PDZD2: variants seen among roughly 807,000 people sequenced by gnomAD.
PDZD2 encodes PDZ domain-containing protein 2.
A neutral mutation model predicts 220.7 loss-of-function variants in PDZD2; 90 were observed. That is an observed-to-expected ratio of 0.41 (90% CI 0.34 to 0.49). The LOEUF is 0.49. PDZD2 is among the 20% of genes least tolerant of loss of function. The pLI is 0.28. For missense variants in PDZD2, 3,174 were observed against 3,608.5 expected, an observed-to-expected ratio of 0.88 and a Z score of 3.08; for synonymous variants, 1,375 against 1,450.5, an observed-to-expected ratio of 0.95 and a Z score of 1.18.
At chr5:31,770,362 T>C (rs755833049) in intron 1 of PDZD2, among the ~76,000 whole-genome samples, 23 of 152,124 alleles carry the variant, frequency 1.5e-4, no homozygotes, top group Non-Finnish European at 2.4e-4. Flanking sequence ...TGAATAGGAT[T>C]CCCCATATGT....
At chr5:32,094,083 GAGA>G (rs1743425532) in intron 21 of PDZD2, among the ~76,000 whole-genome samples, 1 of 151,282 alleles carries the variant, frequency 6.6e-6, no homozygotes, top group South Asian at 2.1e-4. Context: ...TGAGTAGCCT[GAGA>G]AGGAGGGAGG....
At chr5:31,724,602 CAAAAAAAAA>C (rs35523154) in intron 1 of PDZD2, among the ~76,000 whole-genome samples, 1 of 61,014 alleles carries the variant, frequency 1.6e-5, no homozygotes, top group Admixed American at 2.2e-4. Context: ...AATTCCGTCT[CAAAAAAAAA>C]AAAAAAAAAA....
At chr5:32,056,838 C>T (rs1344311355) in intron 10 of PDZD2, among the ~76,000 whole-genome samples, 1 of 152,100 alleles carries the variant, frequency 6.6e-6, no homozygotes, top group African/African-American at 2.4e-5. Context: ...ACCTGTAATC[C>T]CCGCACTTTG....
chr5:31,690,670 A>G (rs1441641032), intron 1 of PDZD2, among the ~76,000 whole-genome samples: 1 of 151,852 alleles, frequency 6.6e-6, no homozygotes, highest in Non-Finnish European at 1.5e-5. Flanking sequence ...ATCTCCATGT[A>G]TCCTCCCTCT....
rs1752390729 is a variant in PDZD2, at chr5:32,003,044, A to G, written c.1254+2773A>G. On this transcript the variant is annotated intron_variant, in intron 5 of 24. Coordinates refer to ENST00000438447, the MANE Select transcript of PDZD2 (RefSeq NM_178140.4). ...CATACCACATGCATACCATACACAC[A>G]CTACACACACCACACACACATCACA... Among the ~76,000 whole-genome samples, 3 of 125,988 alleles carry G rather than the reference A, an allele frequency of 2.4e-5. No homozygotes were observed. In the Admixed American group the frequency reaches 2.4e-4, roughly 10 times the overall value. The allele number at this position is 125,988 out of a possible 152,430, so 82.7% of individuals were successfully genotyped here.
At chr5:31,745,420 A>G (rs1023364350) in intron 1 of PDZD2, among the ~76,000 whole-genome samples, 3 of 152,180 alleles carry the variant, frequency 2.0e-5, no homozygotes, top group Admixed American at 1.3e-4. Context: ...TAGGTGCTCA[A>G]TAAGTATTTT....
chr5:32,073,110 C>G (rs550904182), intron 17 of PDZD2, among the ~76,000 whole-genome samples: 1 of 152,116 alleles, frequency 6.6e-6, no homozygotes, highest in Admixed American at 6.5e-5. Flanking sequence ...CTTCTTTCTG[C>G]TGGTGAGGTT....
chr5:31,771,040 T>C (rs17500320), intron 1 of PDZD2, among the ~76,000 whole-genome samples: 34,350 of 152,180 alleles, frequency 0.23, 4,973 homozygotes, highest in Middle Eastern at 0.34. Flanking sequence ...ATGCAATTTA[T>C]GAAGGGAAAA....
At chr5:31,674,149 C>T (rs1746317580) in intron 1 of PDZD2, among the ~76,000 whole-genome samples, 1 of 152,148 alleles carries the variant, frequency 6.6e-6, no homozygotes, top group Non-Finnish European at 1.5e-5. Context: ...ACCCAGTCTA[C>T]AGTACTTTGT....
chr5:32,096,566 G>T (rs111716122), intron 21 of PDZD2, among the ~76,000 whole-genome samples: 1 of 152,048 alleles, frequency 6.6e-6, no homozygotes, highest in Non-Finnish European at 1.5e-5. Context: ...TGATCCGCCC[G>T]CCTTGGCCTC....
At chr5:31,713,989 T>G (rs1249910978) in intron 1 of PDZD2, among the ~76,000 whole-genome samples, 1 of 152,254 alleles carries the variant, frequency 6.6e-6, no homozygotes, top group African/African-American at 2.4e-5. Flanking sequence ...GCCTCAGGTA[T>G]TCCTTTATAG....
At chr5:32,041,983 A>C (rs1393230331) in intron 7 of PDZD2, among the ~76,000 whole-genome samples, 1 of 147,152 alleles carries the variant, frequency 6.8e-6, no homozygotes, top group Non-Finnish European at 1.5e-5. Context: ...TGGGAGGCCG[A>C]GGTGGGCGGC....
Position 32,000,304 on chromosome 5 carries a change from G to A in PDZD2, c.1254+33G>A, listed in dbSNP as rs201666113. ...GTGTTTGTTTTTTGGTACTCGTAATGGTGGCAGTGGTGAGTTGGGGTTGAG... is the reference window on the plus strand; with the variant it reads ...GTGTTTGTTTTTTGGTACTCGTAATAGTGGCAGTGGTGAGTTGGGGTTGAG... On this transcript the variant is annotated intron_variant, in intron 5 of 24. Coordinates refer to ENST00000438447, the MANE Select transcript of PDZD2 (RefSeq NM_178140.4). This position sits in a 1 kb window ranked among gnomAD's most constrained non-coding sequence, Gnocchi z 4.5. 3 of 1,611,626 alleles carry A rather than the reference G, an allele frequency of 1.9e-6. No homozygotes were observed. The highest frequency in any genetic ancestry group is 2.7e-5 in the African/African-American group (2 of 74,978).
chr5:31,787,502 A>G (rs1309581901), intron 1 of PDZD2: 1 of 152,072 alleles, frequency 6.6e-6, no homozygotes, highest in Admixed American at 6.6e-5. Flanking sequence ...TGCAATTTCT[A>G]CTCATTCCCA....
At chr5:31,651,642 A>T (rs7356683) in intron 1 of PDZD2, among the ~76,000 whole-genome samples, 7,418 of 151,344 alleles carry the variant, frequency 0.049, 601 homozygotes, top group African/African-American at 0.17. Flanking sequence ...TTATTTATTT[A>T]TTTTTTTGAG....
intron 1 of PDZD2, among the ~76,000 whole-genome samples, chr5:31,727,182 A>C (rs751863148): frequency 6.6e-6 from 1 of 152,204 alleles, no homozygotes; most frequent in Non-Finnish European, 1.5e-5. Flanking sequence ...TTTTAATATG[A>C]GATTTCAGCA....
rs138797200 is a variant in PDZD2 at position 31,664,481 on chromosome 5, C to T, written c.-361+25044C>T. On this transcript the variant is annotated intron_variant, in intron 1 of 24. Coordinates refer to ENST00000438447, the MANE Select transcript of PDZD2 (RefSeq NM_178140.4). ...ACACACACACACACACACACACAGG[C>T]GCATGCATGCGTACACACACATACA... Among the ~76,000 whole-genome samples the T allele has an allele frequency of 5.4e-3, 810 of 149,056 alleles. 4 individuals are homozygous for T. The highest frequency in any genetic ancestry group is 0.017 in the Middle Eastern group (5 of 290).
chr5:31,766,020 A>C (rs1751979543), intron 1 of PDZD2, among the ~76,000 whole-genome samples: 2 of 151,992 alleles, frequency 1.3e-5, no homozygotes, highest in Admixed American at 1.3e-4. Flanking sequence ...CTCTACAAAA[A>C]ATTACAAAAA....
chr5:31,870,857 C>T (rs1182031792), intron 2 of PDZD2, among the ~76,000 whole-genome samples: 1 of 150,250 alleles, frequency 6.7e-6, no homozygotes, highest in East Asian at 1.9e-4. Context: ...CCACTGCACT[C>T]CAGCCTATGC....
Sources: gnomAD v4.1 joint callset for allele counts (sites outside exome capture counted in the v4.1 genomes callset) on GRCh38, gnomAD v4.1.1 for gene constraint, Gnocchi (gnomAD v3.1) non-coding constraint, MANE v1.5 for transcripts, NCBI Gene and HGNC (gene_info 2026-07-23, HGNC 2026-07-21) for gene names.